TMC1: variants seen among roughly 807,000 people sequenced by gnomAD.
TMC1 encodes the protein transmembrane channel like 1, also known as transmembrane channel-like protein 1.
In TMC1, 84 loss-of-function variants were observed where a neutral mutation model predicts 105.8. The observed-to-expected ratio is 0.79, with a 90% CI of 0.67 to 0.95. The LOEUF is 0.95. Ranked by LOEUF, TMC1 falls within the 40% of genes least tolerant of loss-of-function variation. The probability of loss-of-function intolerance (pLI) is 0.00; values close to 1 mark genes in which losing one functional copy is unlikely to be tolerated. For missense variants in TMC1, 817 were observed against 914.1 expected (o/e 0.89, Z 1.37); for synonymous variants, 315 against 311.5 (o/e 1.01, Z -0.12).
chr9:72,679,182 G>C (rs1315671562), intron 5 of TMC1, among the ~76,000 whole-genome samples: 2 of 151,894 alleles, frequency 1.3e-5, no homozygotes, highest in Non-Finnish European at 2.9e-5. Context: ...TATTTACACC[G>C]ATCTTTTTAT....
At chr9:72,752,777 G>A (rs540581783) in intron 11 of TMC1, among the ~76,000 whole-genome samples, 2 of 152,082 alleles carry the variant, frequency 1.3e-5, no homozygotes, top group Non-Finnish European at 2.9e-5. Context: ...GCCAAAATTT[G>A]GTGGTTTTGG....
At chr9:72,528,870 A>G (rs1823449602) in intron 1 of TMC1, among the ~76,000 whole-genome samples, 1 of 152,108 alleles carries the variant, frequency 6.6e-6, no homozygotes, top group Admixed American at 6.6e-5. Context: ...AGACAAATAC[A>G]GTTGACCCTC....
intron 2 of TMC1, among the ~76,000 whole-genome samples, chr9:72,581,435 T>C (rs986490498): frequency 2.0e-5 from 3 of 152,222 alleles, no homozygotes; most frequent in South Asian, 2.1e-4. Context: ...CTAACTGGAA[T>C]TGCAGTCAGT....
intron 2 of TMC1, among the ~76,000 whole-genome samples, chr9:72,606,049 G>A (rs903840809): frequency 2.6e-5 from 4 of 152,128 alleles, no homozygotes; most frequent in African/African-American, 9.7e-5. Flanking sequence ...GGGGGGGTTA[G>A]GATGTCAACA....
intron 13 of TMC1, among the ~76,000 whole-genome samples, chr9:72,777,815 G>C (rs1182371098): frequency 6.6e-6 from 1 of 152,206 alleles, no homozygotes; most frequent in Admixed American, 6.5e-5. Context: ...AACAGTGATA[G>C]AATAACAAGC....
chr9:72,752,311 T>A (rs1310455104), intron 11 of TMC1, among the ~76,000 whole-genome samples: 1 of 152,200 alleles, frequency 6.6e-6, no homozygotes, highest in Non-Finnish European at 1.5e-5. Context: ...CCTTGTGAGT[T>A]GTATTTCTTT....
chr9:72,788,299 A>G, intron 13 of TMC1, 40 bp from the exon 14 acceptor site: 1 of 1,613,132 alleles, frequency 6.2e-7, no homozygotes, highest in Non-Finnish European at 8.5e-7. Flanking sequence ...CCCCTATCTC[A>G]TTTTTTCTGG....
At chr9:72,690,046 C>T (rs1167526677) in intron 6 of TMC1, among the ~76,000 whole-genome samples, 1 of 151,416 alleles carries the variant, frequency 6.6e-6, no homozygotes, top group Non-Finnish European at 1.5e-5. Context: ...TCATGTTATT[C>T]TCCTTCATAT....
intron 17 of TMC1, among the ~76,000 whole-genome samples, chr9:72,800,526 A>T (rs917813659): frequency 9.9e-5 from 15 of 152,266 alleles, no homozygotes; most frequent in African/African-American, 3.6e-4. Flanking sequence ...ATCTAGGAGA[A>T]TATTCATGTT....
In TMC1 at chr9:72,792,039, G is replaced by A; in HGVS notation, c.1378G>A (p.Ala460Thr). ...LLGNLYVFILALMDEINNKIE... is the reference protein window; with the variant it reads ...LLGNLYVFILTLMDEINNKIE... ...AGGCAATTTATACGTATTTATTCTT[G>A]CATTAATGGATGAGATTAACAACAA... Residue 460 changes from alanine to threonine, a missense_variant, in exon 16 of 24, where the codon GCA becomes ACA. Physicochemically the swap from Ala to Thr is moderately conservative, Grantham distance 58. Transcript: ENST00000297784. The A allele has an allele frequency of 6.2e-7, 1 of 1,614,060 alleles. No individual in the cohort carries two copies. Among genetic ancestry groups the A allele is most frequent in the Admixed American group, 1.7e-5 (1 of 60,012 alleles).
At chr9:72,727,882 A>G (rs1008185425) in intron 8 of TMC1, among the ~76,000 whole-genome samples, 1 of 152,156 alleles carries the variant, frequency 6.6e-6, no homozygotes, top group Admixed American at 6.6e-5. Context: ...ACAAAAAAAT[A>G]AACAAACATA....
intron 5 of TMC1, among the ~76,000 whole-genome samples, chr9:72,661,517 T>C (rs1211479847): frequency 6.6e-6 from 1 of 152,234 alleles, no homozygotes; most frequent in Non-Finnish European, 1.5e-5. Context: ...CTCACTTGAT[T>C]ACTGCCTCCT....
intron 1 of TMC1, among the ~76,000 whole-genome samples, chr9:72,537,999 TAAAA>T (rs1198400289): frequency 6.6e-6 from 1 of 151,692 alleles, no homozygotes; most frequent in Non-Finnish European, 1.5e-5. Context: ...TTCCAAAAAA[TAAAA>T]AAATTAGATG....
chr9:72,644,687 C>T (rs1008042508), intron 4 of TMC1, among the ~76,000 whole-genome samples: 2 of 152,262 alleles, frequency 1.3e-5, no homozygotes, highest in African/African-American at 4.8e-5. Flanking sequence ...TAGTAAAAGT[C>T]TGCTATTTTC....
chr9:72,830,455 G>T lies in TMC1; in HGVS notation c.2134G>T (p.Ala712Ser), dbSNP rs781309408. 5.6e-6 allele frequency: 9 copies of T among 1,610,690 alleles called. No homozygotes were observed. In the East Asian group the frequency reaches 1.3e-4, roughly 24 times the overall value. Residue 712 changes from alanine (A) to serine (S), a missense_variant, in exon 22 of 24, where the codon GCC becomes TCC. Coordinates refer to ENST00000297784, the MANE Select transcript of TMC1 (RefSeq NM_138691.3). Reference protein sequence around the residue: ...VIAVILVMVLAIYYLNATAKG... With the variant: ...VIAVILVMVLSIYYLNATAKG... ...TTTTTTTTCTTTTTAATTTAGTTTG[G>T]CCATCTATTATCTCAATGCTACTGC...
Position 72,623,001 on chromosome 9 carries a change from G to A in TMC1, c.-195-4920G>A, listed in dbSNP as rs192069257. Among the ~76,000 whole-genome samples, 415 of 149,276 alleles carry A rather than the reference G, an allele frequency of 2.8e-3. 1 individual carries two copies. The highest frequency in any genetic ancestry group is 9.6e-3 in the African/African-American group (387 of 40,412). On this transcript the variant is annotated intron_variant, in intron 3 of 23. Transcript: ENST00000297784. ...CGGGTGTCGGAGGTTGCAGGGAGCC[G>A]AGATTGTGCCACTGCACTCCAGCCT...
intron 1 of TMC1, among the ~76,000 whole-genome samples, chr9:72,522,989 A>G (rs115542230): frequency 1.0e-3 from 158 of 152,278 alleles, no homozygotes; most frequent in Non-Finnish European, 1.7e-3. Context: ...AGAAGTGACA[A>G]TTAAAAATGT....
chr9:72,566,242 G>A (rs1413670741), intron 1 of TMC1, among the ~76,000 whole-genome samples: 1 of 152,186 alleles, frequency 6.6e-6, no homozygotes, highest in Non-Finnish European at 1.5e-5. Flanking sequence ...ATGTTACTCA[G>A]GCTGGTCTTG....
chr9:72,694,149 T>C (rs1477472274), intron 6 of TMC1, among the ~76,000 whole-genome samples: 4 of 152,158 alleles, frequency 2.6e-5, no homozygotes, highest in African/African-American at 9.7e-5. Context: ...AAATATGAAG[T>C]GGTTAATCAC....
Sources: allele counts gnomAD v4.1 joint callset (sites outside exome capture counted in the v4.1 genomes callset), GRCh38; gene constraint gnomAD v4.1.1; transcripts MANE v1.5; gene names NCBI Gene and HGNC (gene_info 2026-07-23, HGNC 2026-07-21).